PDE10A: variants seen among roughly 807,000 people sequenced by gnomAD.
The protein encoded by PDE10A is cAMP and cAMP-inhibited cGMP 3',5'-cyclic phosphodiesterase 10A.
Under a neutral mutation model 97.7 loss-of-function variants are expected in PDE10A, and 39 were observed. That is an observed-to-expected ratio of 0.40 (90% confidence interval 0.31 to 0.52). The LOEUF (loss-of-function observed/expected upper bound fraction) is 0.52, where lower values mean the gene tolerates loss of function less well. Among genes scored for constraint, PDE10A ranks in the 20% least tolerant of loss-of-function variants. The pLI is 0.56. For missense variants in PDE10A, 731 were observed against 1,047.8 expected (o/e 0.70, Z 4.17); for synonymous variants, 371 against 376.8 (o/e 0.98, Z 0.18).
intron 16 of PDE10A, among the ~76,000 whole-genome samples, chr6:165,390,540 G>C (rs1468449511): frequency 6.6e-6 from 1 of 152,194 alleles, no homozygotes; most frequent in Non-Finnish European, 1.5e-5. Flanking sequence ...CCAGAAAAGA[G>C]GGGTGAAAGC....
intron 2 of PDE10A, among the ~76,000 whole-genome samples, chr6:165,495,857 A>G (rs1780504951): frequency 6.6e-6 from 1 of 152,128 alleles, no homozygotes; most frequent in East Asian, 1.9e-4. Context: ...TATGCTTACA[A>G]TATCTTGGAG....
At chr6:165,349,888 G>A (rs1297781185) in intron 18 of PDE10A, among the ~76,000 whole-genome samples, 1 of 152,182 alleles carries the variant, frequency 6.6e-6, no homozygotes, top group Non-Finnish European at 1.5e-5. Flanking sequence ...GTACAGAGAA[G>A]TCAAGAATTG....
chr6:165,702,511 C>G (rs1453697412), intron 1 of PDE10A, among the ~76,000 whole-genome samples: 3 of 152,178 alleles, frequency 2.0e-5, no homozygotes, highest in East Asian at 3.8e-4. Context: ...GGCAGTCAAG[C>G]CCCACAAAGA....
At chr6:165,707,801 G>A (rs1403378433) in intron 1 of PDE10A, among the ~76,000 whole-genome samples, 1 of 152,076 alleles carries the variant, frequency 6.6e-6, no homozygotes, top group East Asian at 1.9e-4. Context: ...ATGTGTGTGT[G>A]TCTGCAGCTT....
At chr6:165,627,847 T>C (rs1377865725) in intron 1 of PDE10A, among the ~76,000 whole-genome samples, 1 of 152,210 alleles carries the variant, frequency 6.6e-6, no homozygotes, top group Non-Finnish European at 1.5e-5. Context: ...GAACCTAGAA[T>C]TCATCTGAAT....
intron 1 of PDE10A, among the ~76,000 whole-genome samples, chr6:165,770,917 C>T (rs1777992227): frequency 6.6e-6 from 1 of 152,196 alleles, no homozygotes; most frequent in Non-Finnish European, 1.5e-5. Context: ...CATTGTCCCC[C>T]CATTCATCCT....
chr6:165,590,831 C>A (rs1030182979), intron 1 of PDE10A, among the ~76,000 whole-genome samples: 3 of 152,028 alleles, frequency 2.0e-5, no homozygotes, highest in African/African-American at 7.2e-5. Flanking sequence ...GCGGAGCTTG[C>A]AGTGAGCCGA....
At chr6:165,812,038 G>T (rs1025468736) in intron 1 of PDE10A, among the ~76,000 whole-genome samples, 1 of 152,084 alleles carries the variant, frequency 6.6e-6, no homozygotes, top group African/African-American at 2.4e-5. Flanking sequence ...ATTTTTAATA[G>T]AGACGGGGTT....
chr6:165,600,048 T>C (rs1339405502), intron 1 of PDE10A, among the ~76,000 whole-genome samples: 1 of 152,094 alleles, frequency 6.6e-6, no homozygotes, highest in African/African-American at 2.4e-5. Flanking sequence ...GACATCACAG[T>C]CCGACCGGGG....
chr6:165,590,827 C>T (rs1487259734), intron 1 of PDE10A, among the ~76,000 whole-genome samples: 5 of 151,988 alleles, frequency 3.3e-5, no homozygotes, highest in Non-Finnish European at 7.4e-5. Context: ...GGAGGCGGAG[C>T]TTGCAGTGAG....
chr6:165,434,735 G>T (rs1027097167), intron 6 of PDE10A, among the ~76,000 whole-genome samples: 1 of 152,156 alleles, frequency 6.6e-6, no homozygotes, highest in African/African-American at 2.4e-5. Context: ...GAAAGCGATG[G>T]CATAAGAGGC....
chr6:165,531,328 A>G (rs540513864), intron 2 of PDE10A, among the ~76,000 whole-genome samples: 1 of 151,626 alleles, frequency 6.6e-6, no homozygotes, highest in African/African-American at 2.4e-5. Flanking sequence ...CACATACTAG[A>G]TATTTGGTAA....
In PDE10A at chr6:165,765,185, C is replaced by G. The variant is rs1583056157; in HGVS notation, c.-614-221617G>C. Among the ~76,000 whole-genome samples the G allele has an allele frequency of 2.0e-5, 3 of 152,274 alleles. No individual in the cohort carries two copies. In the East Asian group the frequency reaches 5.8e-4, roughly 29 times the overall value. On this transcript the variant is annotated intron_variant, in intron 1 of 19. Transcript: ENST00000366882. ...TCCCTGAGCTAGACATAAAGGTTCTCCAAGGCCCCACCAGACTCAGGAGCC... is the reference window on the plus strand; with the variant it reads ...TCCCTGAGCTAGACATAAAGGTTCTGCAAGGCCCCACCAGACTCAGGAGCC...
intron 1 of PDE10A, among the ~76,000 whole-genome samples, chr6:165,706,156 C>T (rs761516835): frequency 2.6e-5 from 4 of 152,022 alleles, no homozygotes; most frequent in South Asian, 2.1e-4. Flanking sequence ...CTTTGCAGTG[C>T]GGGAAAAAGA....
chr6:165,499,192 C>T (rs117080986), intron 2 of PDE10A, among the ~76,000 whole-genome samples: 7,729 of 152,078 alleles, frequency 0.051, 282 homozygotes, highest in South Asian at 0.091. Context: ...CAACAGTAGC[C>T]GGGGAAGAGT....
At chr6:165,955,995 G>A (rs536838948) in intron 1 of PDE10A, among the ~76,000 whole-genome samples, 9 of 152,292 alleles carry the variant, frequency 5.9e-5, no homozygotes, top group Non-Finnish European at 1.2e-4. Flanking sequence ...CAACAGTCAC[G>A]TCTATAAAAT....
At chr6:165,585,695 A>G (rs534884736) in intron 1 of PDE10A, among the ~76,000 whole-genome samples, 1 of 152,324 alleles carries the variant, frequency 6.6e-6, no homozygotes, top group South Asian at 2.1e-4. Flanking sequence ...TCTCTTCTCC[A>G]GAATGATGAG....
At chr6:165,719,469 T>C (rs557483754) in intron 1 of PDE10A, among the ~76,000 whole-genome samples, 2 of 152,372 alleles carry the variant, frequency 1.3e-5, no homozygotes, top group South Asian at 4.1e-4. Context: ...AAATGAAATA[T>C]GATTTTCACC....
chr6:165,752,321 C>T (rs143574812), intron 1 of PDE10A, among the ~76,000 whole-genome samples: 55 of 152,158 alleles, frequency 3.6e-4, no homozygotes, highest in South Asian at 1.2e-3. Flanking sequence ...AAGCCAAGGA[C>T]CCTCTCAGGC....
Sources: allele counts gnomAD v4.1 joint callset (sites outside exome capture counted in the v4.1 genomes callset), GRCh38; gene constraint gnomAD v4.1.1; transcripts MANE v1.5; gene names NCBI Gene and HGNC (gene_info 2026-07-23, HGNC 2026-07-21).